Variants in GLIS3 observed in about 807,000 individuals in gnomAD.
The protein encoded by GLIS3 is GLIS family zinc finger 3.
Under a neutral mutation model 78.6 loss-of-function variants are expected in GLIS3, and 53 were observed. The observed-to-expected ratio is 0.67, with a 90% CI of 0.54 to 0.85. The LOEUF is 0.85. Among genes scored for constraint, GLIS3 ranks in the 40% least tolerant of loss-of-function variants. GLIS3 has a pLI of 0.00. For missense variants in GLIS3, 1,703 were observed against 1,231.1 expected, an observed-to-expected ratio of 1.38 and a Z score of -5.74; for synonymous variants, 684 against 509.9, an observed-to-expected ratio of 1.34 and a Z score of -4.60.
intron 7 of GLIS3, among the ~76,000 whole-genome samples, chr9:3,889,634 G>A (rs1822293690): frequency 6.6e-6 from 1 of 152,108 alleles, no homozygotes; most frequent in Non-Finnish European, 1.5e-5. Flanking sequence ...CAGTCATTTT[G>A]ATGAATGTCT....
chr9:4,360,658 T>C, the GLIS3 span, among the ~76,000 whole-genome samples: 28 of 152,312 alleles, frequency 1.8e-4, no homozygotes, highest in African/African-American at 6.7e-4. Context: ...CAAAGGACCA[T>C]TAATAAGTTT....
chr9:4,354,839 G>T, the GLIS3 span, among the ~76,000 whole-genome samples: 1 of 152,126 alleles, frequency 6.6e-6, no homozygotes, highest in Non-Finnish European at 1.5e-5. Flanking sequence ...CTGAGTAGCC[G>T]GACATGGTGG....
intron 4 of GLIS3, among the ~76,000 whole-genome samples, chr9:4,032,573 T>C (rs574387916): frequency 2.6e-5 from 4 of 152,236 alleles, no homozygotes; most frequent in Non-Finnish European, 5.9e-5. Context: ...ATATATCATG[T>C]AGCAGCCTAA....
chr9:4,279,332 C>G (rs1188941030), intron 2 of GLIS3, among the ~76,000 whole-genome samples: 3 of 79,234 alleles, frequency 3.8e-5, no homozygotes, highest in Non-Finnish European at 7.3e-5. Flanking sequence ...TATACACACA[C>G]ACACACACAC....
the GLIS3 span, among the ~76,000 whole-genome samples, chr9:4,383,468 T>C: frequency 1.3e-5 from 2 of 152,230 alleles, no homozygotes; most frequent in Non-Finnish European, 2.9e-5. Flanking sequence ...AAAGATAACA[T>C]AGAACTCTTC....
At chr9:3,843,296 G>C (rs1191622661) in intron 9 of GLIS3, among the ~76,000 whole-genome samples, 1 of 152,158 alleles carries the variant, frequency 6.6e-6, no homozygotes, top group African/African-American at 2.4e-5. Context: ...CCTTGCCAGT[G>C]ATCCAATGAC....
intron 2 of GLIS3, among the ~76,000 whole-genome samples, chr9:4,160,122 C>G (rs1835360501): frequency 6.6e-6 from 1 of 152,202 alleles, no homozygotes; most frequent in Non-Finnish European, 1.5e-5. Context: ...ACTTTCCACT[C>G]CACAAAATAT....
At chr9:4,468,990 T>C in the GLIS3 span, among the ~76,000 whole-genome samples, 139 of 152,166 alleles carry the variant, frequency 9.1e-4, no homozygotes, top group Middle Eastern at 0.01. Context: ...GCAATCCTAG[T>C]CTCTGATAAA....
chr9:4,446,676 A>AT, the GLIS3 span, among the ~76,000 whole-genome samples: 278 of 139,648 alleles, frequency 2.0e-3, no homozygotes, highest in African/African-American at 3.3e-3. Flanking sequence ...TGCCCGGCTA[A>AT]TTTTTTTTTT....
At chr9:3,847,504 A>C (rs1486663880) in intron 9 of GLIS3, among the ~76,000 whole-genome samples, 3 of 152,262 alleles carry the variant, frequency 2.0e-5, no homozygotes, top group Non-Finnish European at 4.4e-5. Context: ...ATCATTTAAT[A>C]CTCATATTCA....
At chr9:3,916,949 A>G (rs35229238) in intron 6 of GLIS3, among the ~76,000 whole-genome samples, 1 of 152,230 alleles carries the variant, frequency 6.6e-6, no homozygotes, top group Non-Finnish European at 1.5e-5. Flanking sequence ...CTAAAGATGT[A>G]CAATGCAAAA....
chr9:4,160,184 T>C (rs1157900368), intron 2 of GLIS3, among the ~76,000 whole-genome samples: 2 of 152,228 alleles, frequency 1.3e-5, no homozygotes, highest in African/African-American at 2.4e-5. Context: ...TCTTCCTCAT[T>C]ACAGGCATAG....
At chr9:4,342,640 A>G (rs962241907) in intron 2 of GLIS3, among the ~76,000 whole-genome samples, 8 of 152,140 alleles carry the variant, frequency 5.3e-5, no homozygotes, top group African/African-American at 1.9e-4. Flanking sequence ...GAAGAATGTC[A>G]TTGGTGGTTT....
At chr9:3,910,644 T>C (rs1226468999) in intron 6 of GLIS3, among the ~76,000 whole-genome samples, 2 of 152,228 alleles carry the variant, frequency 1.3e-5, no homozygotes, top group East Asian at 3.8e-4. Context: ...GGCCAAGTTT[T>C]TTATACAGGT....
chr9:3,931,441 A>G (rs1379557870), intron 6 of GLIS3, among the ~76,000 whole-genome samples: 5 of 152,176 alleles, frequency 3.3e-5, no homozygotes, highest in African/African-American at 1.2e-4. Context: ...AAATACGTTG[A>G]GTCTCAAACT....
At chr9:4,285,832 C>G (rs766025939) in intron 2 of GLIS3, 2 of 634,446 alleles carry the variant, frequency 3.2e-6, no homozygotes, top group Non-Finnish European at 5.6e-6. Context: ...CAGGAGATGT[C>G]TCATACTCAG....
chr9:4,031,884 A>G (rs1418526721), intron 4 of GLIS3, among the ~76,000 whole-genome samples: 1 of 152,194 alleles, frequency 6.6e-6, no homozygotes, highest in Non-Finnish European at 1.5e-5. Flanking sequence ...ACTCTTTTTA[A>G]ACCCGCATTT....
At chr9:3,984,923 C>A (rs1819612810) in intron 4 of GLIS3, among the ~76,000 whole-genome samples, 1 of 152,164 alleles carries the variant, frequency 6.6e-6, no homozygotes, top group Non-Finnish European at 1.5e-5. Context: ...TCTTTGCCTG[C>A]TGCCAACCAT....
At chr9:3,936,235 A>C (rs1382790040) in intron 5 of GLIS3, among the ~76,000 whole-genome samples, 5 of 152,190 alleles carry the variant, frequency 3.3e-5, no homozygotes, top group African/African-American at 1.2e-4. Flanking sequence ...AATTACATAG[A>C]GTCTACCTGG....
Sources: allele counts gnomAD v4.1 joint callset (sites outside exome capture counted in the v4.1 genomes callset), GRCh38; gene constraint gnomAD v4.1.1; transcripts MANE v1.5; gene names NCBI Gene and HGNC (gene_info 2026-07-23, HGNC 2026-07-21).